The following SLC6A16 variants were observed in gnomAD, a reference collection of about 807,000 sequenced individuals.
SLC6A16 encodes the protein orphan sodium- and chloride-dependent neurotransmitter transporter NTT5.
In SLC6A16, 54 loss-of-function variants were observed where a neutral mutation model predicts 65.4. That is an observed-to-expected ratio of 0.83 (90% CI 0.66 to 1.04). SLC6A16 has a LOEUF of 1.04. SLC6A16 is among the 50% of genes least tolerant of loss of function. The pLI is 0.00. For missense variants in SLC6A16, 816 were observed against 914.0 expected (o/e 0.89, Z 1.38); for synonymous variants, 330 against 346.5 (o/e 0.95, Z 0.53).
chr19:49,294,641 A>G, intron 7 of SLC6A16, 88 bp from the exon 8 acceptor site: 1 of 1,223,856 alleles, frequency 8.2e-7, no homozygotes, highest in African/African-American at 1.5e-5. Flanking sequence ...AAAAAAGGCT[A>G]TCACTGGCTT....
At chr19:49,304,896 G>T (rs935720164) in intron 7 of SLC6A16, among the ~76,000 whole-genome samples, 1 of 152,104 alleles carries the variant, frequency 6.6e-6, no homozygotes, top group African/African-American at 2.4e-5. Context: ...GAGGTAATGA[G>T]AACTTCCATA....
At chr19:49,314,091 G>A (rs555539512) in intron 1 of SLC6A16, among the ~76,000 whole-genome samples, 14 of 56,524 alleles carry the variant, frequency 2.5e-4, no homozygotes, top group East Asian at 1.7e-3. Context: ...GTGAGACTCC[G>A]TCTCAAAAAA....
At position 49,310,074 on chromosome 19, in the gene SLC6A16, C is replaced by A; in HGVS notation, c.666G>T (p.Glu222Asp). Residue 222 changes from glutamate (E) to aspartate (D), a missense_variant, in exon 4 of 12, where the codon GAG becomes GAT. By Grantham distance (45) the Glu-to-Asp change is conservative. Transcript: ENST00000335875. ...TAGAGTTCATCGTTAAGGGACATTT[C>A]TCCCATGGAACGGGAAACTGGAAGG... The part of the protein sequence containing the change: ...SQSFQFPVPW[E>D]KCPLTMNSSG... 6.2e-7 allele frequency: 1 copy of A among 1,614,104 alleles called. No individual in the cohort carries two copies. The highest frequency in any genetic ancestry group is 8.5e-7 in the Non-Finnish European group (1 of 1,180,014).
chr19:49,292,148 C>A lies in SLC6A16; in HGVS notation c.1778+1075G>T, dbSNP rs1970089669. Among the ~76,000 whole-genome samples the A allele has an allele frequency of 6.6e-6, 1 of 152,120 alleles. No homozygotes were observed. The highest frequency in any genetic ancestry group is 1.5e-5 in the Non-Finnish European group (1 of 68,024). ...ACTTTGGGAGGCTGAGGCAGGTGAT[C>A]ACGAGGTCAAGAGTTCGAGACCAGC... On this transcript the variant is annotated intron_variant, in intron 10 of 11. Coordinates refer to ENST00000335875, the MANE Select transcript of SLC6A16 (RefSeq NM_014037.3). This position sits in a 1 kb window ranked among gnomAD's most constrained non-coding sequence, Gnocchi z 4.3.
chr19:49,301,058 T>A (rs966289932), intron 7 of SLC6A16, among the ~76,000 whole-genome samples: 1 of 151,644 alleles, frequency 6.6e-6, no homozygotes, highest in African/African-American at 2.4e-5. Context: ...CAAAAATAAA[T>A]AAATAAATAA....
intron 1 of SLC6A16, among the ~76,000 whole-genome samples, chr19:49,321,552 A>G (rs1174810689): frequency 6.6e-6 from 1 of 152,114 alleles, no homozygotes; most frequent in Non-Finnish European, 1.5e-5. Context: ...CCTGGCTAAC[A>G]TGGTGAAACC....
the SLC6A16 span, chr19:49,331,740 G>A: frequency 2.2e-6 from 1 of 457,146 alleles, no homozygotes; most frequent in African/African-American, 2.0e-5. Context: ...AATGGGCTGT[G>A]TCCCTTCTGC....
At chr19:49,295,421 T>G (rs938318654) in intron 7 of SLC6A16, among the ~76,000 whole-genome samples, 1 of 151,430 alleles carries the variant, frequency 6.6e-6, no homozygotes, top group Non-Finnish European at 1.5e-5. Flanking sequence ...AGAACTGCAA[T>G]GGACAGCTTG....
chr19:49,304,555 C>T (rs1029619291), intron 7 of SLC6A16, among the ~76,000 whole-genome samples: 3 of 152,050 alleles, frequency 2.0e-5, no homozygotes, highest in South Asian at 2.1e-4. Flanking sequence ...CACCTGAGGT[C>T]GAAAGTTCGA....
intron 1 of SLC6A16, among the ~76,000 whole-genome samples, chr19:49,315,113 T>C (rs1970593677): frequency 6.6e-6 from 1 of 152,046 alleles, no homozygotes; most frequent in Admixed American, 6.6e-5. Flanking sequence ...ATAGGTTCCA[T>C]CCTCATGTCA....
the SLC6A16 span, among the ~76,000 whole-genome samples, chr19:49,332,544 C>G: frequency 4.6e-5 from 7 of 151,966 alleles, no homozygotes; most frequent in Admixed American, 4.6e-4. Flanking sequence ...GGTGACAGAG[C>G]GAGGCTCTGT....
intron 7 of SLC6A16, among the ~76,000 whole-genome samples, chr19:49,296,326 C>T (rs1020920346): frequency 1.3e-5 from 2 of 152,104 alleles, no homozygotes; most frequent in African/African-American, 4.8e-5. Context: ...GAACAAAGAT[C>T]TACAATAGTC....
the SLC6A16 span, among the ~76,000 whole-genome samples, chr19:49,331,266 G>A: frequency 1.3e-5 from 2 of 151,952 alleles, no homozygotes; most frequent in South Asian, 2.1e-4. Flanking sequence ...CTGCAACTTC[G>A]ATCTCCCAGG....
chr19:49,321,185 C>T (rs976373809), intron 1 of SLC6A16, among the ~76,000 whole-genome samples: 2 of 152,026 alleles, frequency 1.3e-5, no homozygotes, highest in East Asian at 3.9e-4. Flanking sequence ...GGATTTATTC[C>T]TGGAATGCAA....
chr19:49,337,871 G>C, the SLC6A16 span: 4 of 1,610,142 alleles, frequency 2.5e-6, no homozygotes, highest in Admixed American at 1.7e-5. Flanking sequence ...CAGCCTGAGA[G>C]GGGGAGGGGT....
chr19:49,311,080 G>T lies in SLC6A16; in HGVS notation c.268C>A (p.Gln90Lys), dbSNP rs757910098. 2 of 1,614,188 alleles carry T rather than the reference G, an allele frequency of 1.2e-6. No homozygotes were observed. Among genetic ancestry groups the T allele is most frequent in the Non-Finnish European group, 1.7e-6 (2 of 1,180,032 alleles). ...LNQKPTHEKV[Q>K]MTEKKESEVL... ...TCACTCTCTTTCTTCTCTGTCATCT[G>T]CACCTTCTCATGCGTGGGTTTCTGG... The change falls in exon 2 of 12, where the codon CAG (glutamine) becomes AAG (lysine). Residue 90 changes from glutamine to lysine, a missense_variant. Physicochemically the swap from Gln to Lys is moderately conservative, Grantham distance 53. Transcript: ENST00000335875.
chr19:49,338,936 G>A, the SLC6A16 span: 2 of 1,610,260 alleles, frequency 1.2e-6, no homozygotes, highest in Non-Finnish European at 1.7e-6. The surrounding 1 kb of genome is among the most constrained non-coding windows in gnomAD (Gnocchi z 5.0). Context: ...TCTACCGCGA[G>A]GTGGGCAGGG....
At chr19:49,340,317 C>G in the SLC6A16 span, 3 of 1,612,784 alleles carry the variant, frequency 1.9e-6, no homozygotes, top group East Asian at 2.2e-5. Context: ...CCGGCTCGCT[C>G]GATACCGTTA....
intron 7 of SLC6A16, 26 bp from the exon 8 acceptor site, chr19:49,294,579 C>G (rs181709357): frequency 6.4e-7 from 1 of 1,565,428 alleles, no homozygotes; most frequent in Non-Finnish European, 8.6e-7. Context: ...TGAATCAAAT[C>G]GAACCATTTG....
Sources: allele counts gnomAD v4.1 joint callset (sites outside exome capture counted in the v4.1 genomes callset), GRCh38; gene constraint gnomAD v4.1.1; non-coding constraint Gnocchi (gnomAD v3.1); transcripts MANE v1.5; gene names NCBI Gene and HGNC (gene_info 2026-07-23, HGNC 2026-07-21).